HABP2: variants seen among roughly 807,000 people sequenced by gnomAD.
The protein encoded by HABP2 is factor VII-activating protease.
A neutral mutation model predicts 66.5 loss-of-function variants in HABP2; 65 were observed. The ratio of observed to expected loss-of-function variants is 0.98; its 90% CI spans 0.80 to 1.20. The LOEUF is 1.20. HABP2 is among the 50% of genes most tolerant of loss of function. The pLI, the probability that HABP2 is intolerant of heterozygous loss-of-function variation, is 0.00. For synonymous variants in HABP2, 263 were observed against 253.9 expected (o/e 1.04, Z -0.34); for missense variants, 786 against 691.0 (o/e 1.14, Z -1.54).
intron 1 of HABP2, among the ~76,000 whole-genome samples, chr10:113,556,804 CTTTTT>C (rs66685949): frequency 1.9e-5 from 2 of 105,132 alleles, no homozygotes; most frequent in Admixed American, 1.2e-4. Flanking sequence ...TTCTTTTATT[CTTTTT>C]TTTTTTTTTT....
chr10:113,584,250 G>C lies in HABP2; in HGVS notation c.1340G>C (p.Cys447Ser). 6.2e-7 allele frequency: 1 copy of C among 1,614,006 alleles called. No individual in the cohort carries two copies. Among genetic ancestry groups the C allele is most frequent in the Non-Finnish European group, 8.5e-7 (1 of 1,179,864 alleles). Residue 447 changes from cysteine (C) to serine (S), a missense_variant, in exon 11 of 13, where the codon TGC (cysteine) becomes TCC (serine). By Grantham distance (112) the Cys-to-Ser change is moderately radical. Coordinates refer to ENST00000351270, the MANE Select transcript of HABP2 (RefSeq NM_004132.5). ...GGGTCCTTTCCCTCTGGGAGTGAGT[G>C]CCACATCTCTGGCTGGGGTGTTACA... ...PDGSFPSGSE[C>S]HISGWGVTET...
At chr10:113,551,807 AAAT>A (rs767242914), upstream of HABP2, among the ~76,000 whole-genome samples, 6 of 151,372 alleles carry the variant, frequency 4.0e-5, no homozygotes, top group Admixed American at 1.3e-4. Flanking sequence ...CTCTGTCTCA[AAAT>A]AATAATAATA....
Position 113,589,593 on chromosome 10 carries a change from T to A in HABP2, c.*1224T>A. 1.3e-6 allele frequency: 2 copies of A among 1,545,036 alleles called. No individual in the cohort carries two copies. The highest frequency in any genetic ancestry group is 1.7e-6 in the Non-Finnish European group (2 of 1,146,214). ...CTGACCTTTGGCCAAAAATAAACTTTGAAAAGAAACAATGAGTTTGTCTTT... is the reference window on the plus strand; with the variant it reads ...CTGACCTTTGGCCAAAAATAAACTTAGAAAAGAAACAATGAGTTTGTCTTT... On this transcript the variant is annotated 3_prime_UTR_variant, in exon 13 of 13. Transcript: ENST00000351270.
chr10:113,584,201 G>A lies in HABP2; in HGVS notation c.1291G>A (p.Val431Met), dbSNP rs140841380. ...TCACTGTGCTCTAGAATCCAAATAC[G>A]TGAAGACTGTGTGCTTGCCTGATGG... ...DGHCALESKY[V>M]KTVCLPDGSF... Residue 431 changes from valine to methionine, a missense_variant, in exon 11 of 13, where the codon GTG becomes ATG. Val to Met is a conservative substitution (Grantham distance 21). Transcript: ENST00000351270. The A allele has an allele frequency of 6.8e-6, 11 of 1,613,214 alleles. No homozygotes were observed. The highest frequency in any genetic ancestry group is 1.7e-5 in the Admixed American group (1 of 60,016).
intron 1 of HABP2, among the ~76,000 whole-genome samples, chr10:113,557,254 G>A (rs1217625363): frequency 1.3e-5 from 2 of 152,032 alleles, no homozygotes; most frequent in African/African-American, 4.8e-5. Context: ...CCATCTACAC[G>A]GTCTTAGGGA....
intron 1 of HABP2, among the ~76,000 whole-genome samples, chr10:113,563,332 G>A (rs1845134684): frequency 6.6e-6 from 1 of 152,150 alleles, no homozygotes; most frequent in Admixed American, 6.5e-5. Context: ...CATCATCCAG[G>A]TTAGTTTCAG....
At position 113,578,099 on chromosome 10, in the gene HABP2, C is replaced by T; in HGVS notation, c.522C>T (p.Phe174=). 6.2e-7 allele frequency: 1 copy of T among 1,614,168 alleles called. No individual in the cohort carries two copies. The highest frequency in any genetic ancestry group is 1.1e-5 in the South Asian group (1 of 91,086). Reference sequence around the variant, plus strand: ...CCCGGCATAAGCGGAGATCCAAGTTCACCTGTGCCTGTCCCGACCAGTTCA... The same window carrying T: ...CCCGGCATAAGCGGAGATCCAAGTTTACCTGTGCCTGTCCCGACCAGTTCA... ...TCSRHKRRSK[F]TCACPDQFKG... is the part of the protein sequence containing the mutation. Residue 174 remains phenylalanine (F), a synonymous_variant, in exon 6 of 13, where the codon TTC becomes TTT. Coordinates refer to ENST00000351270, the MANE Select transcript of HABP2 (RefSeq NM_004132.5).
rs188451944 is a variant in HABP2, at chr10:113,578,695, C to A, written c.637C>A (p.His213Asn). 8.1e-6 allele frequency: 13 copies of A among 1,606,236 alleles called. No homozygotes were observed. In the East Asian group the frequency reaches 2.7e-4, roughly 33 times the overall value. Residue 213 changes from histidine to asparagine, a missense_variant, in exon 7 of 13, where the codon CAT becomes AAT. Coordinates refer to ENST00000351270, the MANE Select transcript of HABP2 (RefSeq NM_004132.5). ...RGKMNRTVNQ[H>N]ACLYWNSHLL... ...GAAAATGAATAGGACAGTCAACCAG[C>A]ATGCGTGCCTTTACTGGAACTCCCA... is the stretch of plus-strand genomic sequence containing the variant.
intron 2 of HABP2, among the ~76,000 whole-genome samples, chr10:113,568,074 C>T (rs1216182268): frequency 2.0e-5 from 3 of 152,238 alleles, no homozygotes; most frequent in Non-Finnish European, 4.4e-5. Flanking sequence ...CACAAGGGCT[C>T]TCTGTCTCAC....
At chr10:113,575,773 G>T in intron 3 of HABP2, 124 bp from the exon 4 acceptor site, 1 of 672,328 alleles carries the variant, frequency 1.5e-6, no homozygotes, top group Non-Finnish European at 2.7e-6. Flanking sequence ...CCTTTCCCCA[G>T]TTTCTGGCTC....
At chr10:113,571,323 AC>A (rs1257775218) in intron 2 of HABP2, among the ~76,000 whole-genome samples, 4 of 152,174 alleles carry the variant, frequency 2.6e-5, no homozygotes, top group Non-Finnish European at 5.9e-5. Flanking sequence ...CTCAGCTAGG[AC>A]CACTAGGCCA....
At chr10:113,561,401 G>C (rs1845098036) in intron 1 of HABP2, among the ~76,000 whole-genome samples, 1 of 152,118 alleles carries the variant, frequency 6.6e-6, no homozygotes. Context: ...CCAGCAAGGG[G>C]ACTGGCCCTG....
At chr10:113,568,272 C>A (rs1160498126) in intron 2 of HABP2, among the ~76,000 whole-genome samples, 1 of 152,228 alleles carries the variant, frequency 6.6e-6, no homozygotes, top group Non-Finnish European at 1.5e-5. Flanking sequence ...TGGCCAGAGG[C>A]CAACAACCCC....
intron 4 of HABP2, among the ~76,000 whole-genome samples, chr10:113,576,716 C>T (rs898247586): frequency 1.3e-5 from 2 of 152,172 alleles, no homozygotes; most frequent in Non-Finnish European, 2.9e-5. Flanking sequence ...TTCACTTATT[C>T]TTTTCATTTT....
intron 4 of HABP2, 128 bp downstream of exon 4, chr10:113,576,132 ATTC>A: frequency 1.6e-6 from 1 of 641,722 alleles, no homozygotes; most frequent in Non-Finnish European, 2.8e-6. Context: ...TGCATAGTGT[ATTC>A]CTCTGCAGGG....
At chr10:113,569,941 C>T (rs532127661) in intron 2 of HABP2, 1 of 152,280 alleles carries the variant, frequency 6.6e-6, no homozygotes, top group Non-Finnish European at 1.5e-5. Context: ...TTAACCAGAG[C>T]AGCTGCAAAG....
intron 8 of HABP2, 36 bp downstream of exon 8, chr10:113,580,728 G>A (rs778909583): frequency 1.2e-4 from 126 of 1,095,360 alleles, no homozygotes; most frequent in Middle Eastern, 7.8e-4. Flanking sequence ...CCAGGGGGTG[G>A]GGGGGATGGA....
chr10:113,559,632 G>T (rs1377759071), intron 1 of HABP2, among the ~76,000 whole-genome samples: 1 of 152,234 alleles, frequency 6.6e-6, no homozygotes, highest in African/African-American at 2.4e-5. Context: ...ACCTCTGCGG[G>T]TGGGCCCCAG....
chr10:113,558,526 G>T (rs1845041907), intron 1 of HABP2, among the ~76,000 whole-genome samples: 1 of 152,228 alleles, frequency 6.6e-6, no homozygotes, highest in African/African-American at 2.4e-5. Flanking sequence ...CCCCTGGTGG[G>T]ATTGGAAGGC....
Sources: allele counts gnomAD v4.1 joint callset (sites outside exome capture counted in the v4.1 genomes callset), GRCh38; gene constraint gnomAD v4.1.1; transcripts MANE v1.5; gene names NCBI Gene and HGNC (gene_info 2026-07-23, HGNC 2026-07-21).